Variants in EYA1 observed in about 807,000 individuals in gnomAD.
EYA1 encodes the protein EYA transcriptional coactivator and phosphatase 1.
EYA1 carries 16 observed loss-of-function variants against 82.0 expected under a neutral mutation model. The observed-to-expected ratio is 0.20, with a 90% CI of 0.13 to 0.30. The LOEUF (loss-of-function observed/expected upper bound fraction) is 0.30. Among genes scored for constraint, EYA1 ranks in the 10% least tolerant of loss-of-function variants. The pLI is 1.00. For missense variants in EYA1, 633 were observed against 730.7 expected (o/e 0.87, Z 1.54); for synonymous variants, 261 against 264.4 (o/e 0.99, Z 0.12).
intron 2 of EYA1, among the ~76,000 whole-genome samples, chr8:71,383,736 T>C (rs1828834334): frequency 6.6e-6 from 1 of 152,092 alleles, no homozygotes; most frequent in Non-Finnish European, 1.5e-5. Context: ...ACAGTAATCC[T>C]GTCTGGAGAA....
chr8:71,379,588 T>C (rs957658964), intron 2 of EYA1, among the ~76,000 whole-genome samples: 3 of 152,144 alleles, frequency 2.0e-5, no homozygotes, highest in African/African-American at 7.2e-5. Flanking sequence ...AAAAATAAAG[T>C]TACCCTCATT....
intron 7 of EYA1, among the ~76,000 whole-genome samples, chr8:71,317,271 C>A (rs1390880237): frequency 6.6e-6 from 1 of 152,116 alleles, no homozygotes; most frequent in African/African-American, 2.4e-5. Context: ...TTATAACTGA[C>A]AGAAGACACA....
chr8:71,269,935 G>C, intron 10 of EYA1, 112 bp from the exon 11 acceptor site: 1 of 804,804 alleles, frequency 1.2e-6, no homozygotes, highest in Non-Finnish European at 2.2e-6. Flanking sequence ...TGAAAAATCT[G>C]AATTTATTAT....
At chr8:71,396,930 T>C (rs1187089588) in intron 2 of EYA1, among the ~76,000 whole-genome samples, 1 of 152,200 alleles carries the variant, frequency 6.6e-6, no homozygotes, top group Non-Finnish European at 1.5e-5. Flanking sequence ...TCTAAATCTC[T>C]TTATAGGTCT....
At chr8:71,364,040 A>G (rs1006691960), upstream of EYA1, among the ~76,000 whole-genome samples, 20 of 151,934 alleles carry the variant, frequency 1.3e-4, no homozygotes, top group African/African-American at 4.6e-4. Context: ...ATCATATTAC[A>G]TATTTTATGT....
chr8:71,343,156 T>C (rs1445523003), intron 3 of EYA1, among the ~76,000 whole-genome samples: 3 of 152,148 alleles, frequency 2.0e-5, no homozygotes, highest in Admixed American at 1.3e-4. Context: ...CATGGAGTCA[T>C]GGCAGGTTGT....
rs1814680121 is a variant in EYA1 at position 71,535,968 on chromosome 8, T to C, written c.-72-120A>G. 3 of 400,172 alleles carry C rather than the reference T, an allele frequency of 7.5e-6. No homozygotes were observed. In the East Asian group the frequency reaches 1.1e-4, roughly 14 times the overall value. 24.8% of individuals were successfully genotyped at this position (400,172 alleles called of 1,614,324 possible). A position where few individuals can be genotyped will look rare whatever the true frequency, so the allele number is the denominator to read the frequency against. On this transcript the variant is annotated intron_variant, in intron 1 of 18. Coordinates refer to the EYA1 transcript ENST00000643681. The stretch of plus-strand genomic sequence containing the variant: ...TATACACAAGTCAAGAACACTTACC[T>C]TCACTGAATGAGTCTTTAAAATAAA...
chr8:71,501,590 G>T (rs1173273238), intron 2 of EYA1, among the ~76,000 whole-genome samples: 4 of 152,140 alleles, frequency 2.6e-5, no homozygotes, highest in Non-Finnish European at 5.9e-5. Context: ...ATAAAGAAAA[G>T]CAGGAAAAGT....
intron 3 of EYA1, among the ~76,000 whole-genome samples, chr8:71,345,983 T>TACACACAA (rs1485431735): frequency 2.6e-5 from 4 of 151,842 alleles, no homozygotes; most frequent in Non-Finnish European, 4.4e-5. Flanking sequence ...ATCTTACACA[T>TACACACAA]ACACACAAAC....
chr8:71,201,371 C>A (rs1806988156), intron 17 of EYA1, among the ~76,000 whole-genome samples: 1 of 151,990 alleles, frequency 6.6e-6, no homozygotes, highest in Non-Finnish European at 1.5e-5. Context: ...CCTACCTGTT[C>A]TCTGTAGGCT....
chr8:71,294,525 G>C (rs1819389957), intron 9 of EYA1, among the ~76,000 whole-genome samples: 1 of 152,072 alleles, frequency 6.6e-6, no homozygotes, highest in Non-Finnish European at 1.5e-5. Context: ...GAGAGAGAGA[G>C]AAAGAGGTGT....
In EYA1 at chr8:71,494,022, CAAAA is replaced by C. The variant is rs34340467; in HGVS notation, c.33+41718_33+41721del. On this transcript the variant is annotated intron_variant, in intron 2 of 18. Transcript: ENST00000643681. ...TGGGCGACAGAGCGAGACTCCGTCT[CAAAA>C]AAAAAAAAAAAAAAAAAAAGAGGCT... Among the ~76,000 whole-genome samples the C allele has an allele frequency of 2.4e-4, 10 of 41,870 alleles. No individual in the cohort carries two copies. The South Asian group carries it at 8.2e-3, about 34-fold the overall frequency. The allele number at this position is 41,870 out of a possible 152,430, so 27.5% of individuals were successfully genotyped here. A position where few individuals can be genotyped will look rare whatever the true frequency, so the allele number is the denominator to read the frequency against.
chr8:71,338,979 C>T (rs1824815315), intron 3 of EYA1, among the ~76,000 whole-genome samples: 1 of 152,132 alleles, frequency 6.6e-6, no homozygotes. Flanking sequence ...ACTCAGTTTA[C>T]CATCCCTCTC....
intron 12 of EYA1, among the ~76,000 whole-genome samples, chr8:71,220,778 C>T (rs910227974): frequency 6.6e-6 from 1 of 151,770 alleles, no homozygotes; most frequent in African/African-American, 2.4e-5. Context: ...AAGAGTTTTC[C>T]AGGCAAATAA....
intron 2 of EYA1, among the ~76,000 whole-genome samples, chr8:71,528,583 C>T (rs955980549): frequency 6.6e-6 from 1 of 152,142 alleles, no homozygotes; most frequent in African/African-American, 2.4e-5. Context: ...CCAGCATGGT[C>T]TGATGTTCCA....
chr8:71,494,947 A>G (rs1038638944), intron 2 of EYA1, among the ~76,000 whole-genome samples: 8 of 152,136 alleles, frequency 5.3e-5, no homozygotes, highest in Non-Finnish European at 1.0e-4. Context: ...TAAGCAATAT[A>G]GTATTTACAA....
At chr8:71,207,966 T>A (rs968414156) in intron 17 of EYA1, among the ~76,000 whole-genome samples, 1 of 152,230 alleles carries the variant, frequency 6.6e-6, no homozygotes, top group African/African-American at 2.4e-5. Flanking sequence ...TTTATTGGGT[T>A]GTTCCTACTG....
rs57115257 is a variant in EYA1 at position 71,202,248 on chromosome 8, TA to T, written c.1699-2829del. ...CTCTCAGAGAAATCAAAAAGGGAACTAAAAAAAAAAAATCCAGCTACTTCTT... is the reference window on the plus strand; with the variant it reads ...CTCTCAGAGAAATCAAAAAGGGAACTAAAAAAAAAAATCCAGCTACTTCTT... On this transcript the variant is annotated intron_variant, in intron 17 of 17. Coordinates refer to ENST00000340726, the MANE Select transcript of EYA1 (RefSeq NM_000503.6). Among the ~76,000 whole-genome samples, 526 of 147,510 alleles carry T rather than the reference TA, an allele frequency of 3.6e-3. 4 individuals carry two copies. The highest frequency in any genetic ancestry group is 0.013 in the Admixed American group (188 of 14,872).
intron 7 of EYA1, among the ~76,000 whole-genome samples, chr8:71,313,354 T>A (rs1468046719): frequency 1.3e-5 from 2 of 152,176 alleles, no homozygotes; most frequent in African/African-American, 4.8e-5. Context: ...TATTTTGTTA[T>A]ATATATTATT....
Sources: gnomAD v4.1 joint callset for allele counts (sites outside exome capture counted in the v4.1 genomes callset) on GRCh38, gnomAD v4.1.1 for gene constraint, MANE v1.5 for transcripts, NCBI Gene and HGNC (gene_info 2026-07-23, HGNC 2026-07-21) for gene names.